THSD4: variants seen among roughly 807,000 people sequenced by gnomAD.
The protein encoded by THSD4 is thrombospondin type 1 domain containing 4.
In THSD4, 69 loss-of-function variants were observed where a neutral mutation model predicts 119.0. That is an observed-to-expected ratio of 0.58 (90% CI 0.48 to 0.71). THSD4 has a LOEUF of 0.71. THSD4 is among the 30% of genes least tolerant of loss of function. THSD4 has a pLI of 0.00. For synonymous variants in THSD4, 524 were observed against 540.4 expected, an observed-to-expected ratio of 0.97 and a Z score of 0.42; for missense variants, 1,393 against 1,391.1, an observed-to-expected ratio of 1.00 and a Z score of -0.02.
chr15:71,128,452 G>A (rs930622374), intron 1 of THSD4, among the ~76,000 whole-genome samples: 5 of 151,560 alleles, frequency 3.3e-5, no homozygotes, highest in South Asian at 2.1e-4. Context: ...ACTTGAACTC[G>A]GGAGGCAGAG....
chr15:71,121,328 C>A (rs1490318022), intron 1 of THSD4, among the ~76,000 whole-genome samples: 1 of 151,068 alleles, frequency 6.6e-6, no homozygotes, highest in Non-Finnish European at 1.5e-5. Context: ...CTATCTCAGG[C>A]GTGTAGAAAA....
At chr15:71,643,329 T>C (rs767458578) in intron 7 of THSD4, among the ~76,000 whole-genome samples, 4 of 152,334 alleles carry the variant, frequency 2.6e-5, no homozygotes, top group Non-Finnish European at 4.4e-5. Flanking sequence ...AATTTTTAGG[T>C]TCAAGAGTAC....
chr15:71,436,613 A>C (rs2047016297), intron 7 of THSD4, among the ~76,000 whole-genome samples: 1 of 152,176 alleles, frequency 6.6e-6, no homozygotes, highest in Admixed American at 6.5e-5. Flanking sequence ...ATCTGTAGGG[A>C]CCAAGGGAAA....
chr15:71,421,656 G>A (rs1248998244), intron 7 of THSD4, among the ~76,000 whole-genome samples: 3 of 152,040 alleles, frequency 2.0e-5, no homozygotes, highest in African/African-American at 7.2e-5. Flanking sequence ...TGTCATTTGG[G>A]TTATATTGTA....
intron 8 of THSD4, among the ~76,000 whole-genome samples, chr15:71,667,246 T>G (rs1259883674): frequency 6.6e-6 from 1 of 152,242 alleles, no homozygotes; most frequent in East Asian, 1.9e-4. Flanking sequence ...TTCTGAACTC[T>G]GCCATTTGGG....
chr15:71,507,285 G>C (rs2048205198), intron 7 of THSD4, among the ~76,000 whole-genome samples: 1 of 152,156 alleles, frequency 6.6e-6, no homozygotes, highest in Admixed American at 6.5e-5. Flanking sequence ...TATTCCCTGA[G>C]ACAGACTCCA....
At chr15:71,390,284 A>T (rs2046359960) in intron 6 of THSD4, among the ~76,000 whole-genome samples, 1 of 152,134 alleles carries the variant, frequency 6.6e-6, no homozygotes, top group Admixed American at 6.5e-5. Context: ...CTGTCTTTTG[A>T]TGTTATCTGA....
At chr15:71,341,719 A>G in intron 6 of THSD4, 2 of 1,029,152 alleles carry the variant, frequency 1.9e-6, no homozygotes, top group Non-Finnish European at 1.5e-6. Flanking sequence ...CCATTTTCAC[A>G]GATTACCTCA....
intron 7 of THSD4, among the ~76,000 whole-genome samples, chr15:71,590,698 C>T (rs936841328): frequency 6.6e-6 from 1 of 152,080 alleles, no homozygotes; most frequent in African/African-American, 2.4e-5. Flanking sequence ...TGCACATGCA[C>T]CCTGAACTTA....
chr15:71,608,937 G>A (rs1478827919), intron 7 of THSD4, among the ~76,000 whole-genome samples: 3 of 152,182 alleles, frequency 2.0e-5, no homozygotes, highest in African/African-American at 7.2e-5. Flanking sequence ...CCAAGGCCTG[G>A]TTTGGCTAAC....
chr15:71,658,391 G>A (rs182333017), intron 7 of THSD4, among the ~76,000 whole-genome samples: 1 of 152,160 alleles, frequency 6.6e-6, no homozygotes, highest in African/African-American at 2.4e-5. Flanking sequence ...TGGACAAGTC[G>A]AGTCCAGGGG....
intron 7 of THSD4, among the ~76,000 whole-genome samples, chr15:71,412,931 G>A (rs56046425): frequency 0.043 from 6,542 of 152,204 alleles, 202 homozygotes; most frequent in Non-Finnish European, 0.066. Context: ...CTGGGTAACT[G>A]GGGTATCCGT....
In THSD4 at chr15:71,745,157, C is replaced by A. The variant is rs865954972; in HGVS notation, c.1958C>A (p.Ala653Asp). 1 of 1,612,712 alleles carries A rather than the reference C, an allele frequency of 6.2e-7. No homozygotes were observed. The highest frequency in any genetic ancestry group is 2.2e-5 in the East Asian group (1 of 44,880). ...GTGCACAGAAGCACTCATGAAGAGG[C>A]TCCTGAGAGTTACTGTGACTCCAGC... ...RCVHRSTHEEAPESYCDSSMK... is the reference protein window; with the variant it reads ...RCVHRSTHEEDPESYCDSSMK... Residue 653 changes from alanine to aspartate, a missense_variant, in exon 12 of 18, where the codon GCT (alanine) becomes GAT (aspartate). Ala to Asp is a moderately radical substitution (Grantham distance 126). Transcript: ENST00000261862.
At chr15:71,278,162 A>G (rs1252797557) in intron 6 of THSD4, among the ~76,000 whole-genome samples, 1 of 152,156 alleles carries the variant, frequency 6.6e-6, no homozygotes, top group Non-Finnish European at 1.5e-5. Flanking sequence ...CAAACTAAAG[A>G]CTGCTAGAAG....
intron 1 of THSD4, chr15:71,110,256 G>A (rs2040293651): frequency 6.6e-6 from 1 of 152,222 alleles, no homozygotes; most frequent in Admixed American, 6.5e-5. Context: ...CTTTCAGAAT[G>A]ATGGATTTGC....
chr15:71,668,791 G>T (rs1304204100), intron 8 of THSD4, among the ~76,000 whole-genome samples: 1 of 152,134 alleles, frequency 6.6e-6, no homozygotes, highest in Non-Finnish European at 1.5e-5. Context: ...AATGCCAATG[G>T]ATAACTGAAG....
intron 4 of THSD4, among the ~76,000 whole-genome samples, chr15:71,238,377 A>G (rs75069367): frequency 3.3e-5 from 5 of 152,324 alleles, no homozygotes; most frequent in Admixed American, 3.3e-4. Context: ...AGTTTTTGGT[A>G]TATTTACAAG....
At chr15:71,457,434 TG>T (rs1188667386) in intron 7 of THSD4, among the ~76,000 whole-genome samples, 1 of 150,308 alleles carries the variant, frequency 6.7e-6, no homozygotes, top group Non-Finnish European at 1.5e-5. Context: ...TTTCCAACCT[TG>T]CCCATTCTGG....
chr15:71,677,563 T>C (rs1393372284), intron 8 of THSD4, among the ~76,000 whole-genome samples: 1 of 152,216 alleles, frequency 6.6e-6, no homozygotes, highest in Non-Finnish European at 1.5e-5. Flanking sequence ...TCTGATGTCC[T>C]TGCATCTGTT....
Sources: gnomAD v4.1 joint callset for allele counts (sites outside exome capture counted in the v4.1 genomes callset) on GRCh38, gnomAD v4.1.1 for gene constraint, MANE v1.5 for transcripts, NCBI Gene and HGNC (gene_info 2026-07-23, HGNC 2026-07-21) for gene names.